Variants in SETX observed in about 807,000 individuals in gnomAD.
The protein encoded by SETX is senataxin.
In SETX, 90 loss-of-function variants were observed where a neutral mutation model predicts 227.2. That is an observed-to-expected ratio of 0.40 (90% CI 0.33 to 0.47). The LOEUF (loss-of-function observed/expected upper bound fraction) is 0.47. SETX is among the 20% of genes least tolerant of loss of function. The probability of loss-of-function intolerance (pLI) is 0.91; values close to 1 mark genes in which losing one functional copy is unlikely to be tolerated. For missense variants in SETX, 3,052 were observed against 3,181.5 expected, an observed-to-expected ratio of 0.96 and a Z score of 0.98; for synonymous variants, 1,210 against 1,113.2, an observed-to-expected ratio of 1.09 and a Z score of -1.73.
chr9:132,310,888 T>C (rs964517487), intron 11 of SETX, among the ~76,000 whole-genome samples: 4 of 152,234 alleles, frequency 2.6e-5, no homozygotes, highest in Non-Finnish European at 4.4e-5. Flanking sequence ...CTCTTCCTTA[T>C]GATTTTAGTT....
chr9:132,290,342 C>CA (rs1321817217), intron 15 of SETX, among the ~76,000 whole-genome samples: 1 of 151,742 alleles, frequency 6.6e-6, no homozygotes, highest in Non-Finnish European at 1.5e-5. Context: ...TCTGGGAGGC[C>CA]AAGGCAGGTG....
At chr9:132,346,129 A>G in intron 4 of SETX, 132 bp downstream of exon 4, 2 of 754,200 alleles carry the variant, frequency 2.7e-6, no homozygotes, top group Non-Finnish European at 4.3e-6. Flanking sequence ...AACGTTGGAA[A>G]AAAAATGAAG....
intron 5 of SETX, among the ~76,000 whole-genome samples, chr9:132,340,747 C>T (rs894842506): frequency 5.9e-5 from 9 of 152,192 alleles, no homozygotes; most frequent in Non-Finnish European, 1.0e-4. Context: ...TAGGGGTTAT[C>T]CACTGTGCTG....
intron 24 of SETX, among the ~76,000 whole-genome samples, chr9:132,271,210 T>C (rs1330035405): frequency 6.6e-6 from 1 of 152,210 alleles, no homozygotes; most frequent in African/African-American, 2.4e-5. Flanking sequence ...TATAATCTAA[T>C]TATTTATTTG....
Position 132,329,869 on chromosome 9 carries a change from T to A in SETX, c.1729A>T (p.Thr577Ser), listed in dbSNP as rs1205251772. ...RGNLSLGWQL[T>S]SQETHELQSC... ...TGTAGCTCATGGGTTTCCTGACTAG[T>A]CAACTGCCAACCTAGAGATAAATTT... Residue 577 changes from threonine (T) to serine (S), a missense_variant, in exon 10 of 26, where the codon ACT (threonine) becomes TCT (serine). This residue lies in a region of SETX where 179 missense variants were observed against 197.1 expected (regional missense o/e 0.91). Coordinates refer to ENST00000224140, the MANE Select transcript of SETX (RefSeq NM_015046.7). 3 of 1,614,172 alleles carry A rather than the reference T, an allele frequency of 1.9e-6. No individual in the cohort carries two copies. The highest frequency in any genetic ancestry group is 2.5e-6 in the Non-Finnish European group (3 of 1,180,028).
chr9:132,311,717 A>G (rs769812294), intron 11 of SETX, 40 bp downstream of exon 11: 11 of 1,359,048 alleles, frequency 8.1e-6, no homozygotes, highest in Non-Finnish European at 1.2e-5. Context: ...ATCTCCAATT[A>G]TTATATCATA....
In SETX at chr9:132,328,656, G is replaced by A; in HGVS notation, c.2942C>T (p.Pro981Leu). 1 of 1,613,482 alleles carries A rather than the reference G, an allele frequency of 6.2e-7. No individual in the cohort carries two copies. The highest frequency in any genetic ancestry group is 8.5e-7 in the Non-Finnish European group (1 of 1,179,712). ...CCTTTGCAGCTGCGATGAGTTCTGA[G>A]GTGAATCGGATGGGAACGTAATAAC... is the stretch of plus-strand genomic sequence containing the variant. ...ASVITFPSDS[P>L]QNSSQLQRKV... Residue 981 changes from proline to leucine, a missense_variant, in exon 10 of 26, where the codon CCT becomes CTT. Coordinates refer to ENST00000224140, the MANE Select transcript of SETX (RefSeq NM_015046.7).
rs1421119656 is a variant in SETX at position 132,346,371 on chromosome 9, T to C, written c.278A>G (p.Asn93Ser). 6.2e-7 allele frequency: 1 copy of C among 1,613,748 alleles called. No homozygotes were observed. The highest frequency in any genetic ancestry group is 8.5e-7 in the Non-Finnish European group (1 of 1,179,784). Residue 93 changes from asparagine (N) to serine (S), a missense_variant, in exon 4 of 26, where the codon AAT becomes AGT. Asn to Ser is a conservative substitution (Grantham distance 46). Transcript: ENST00000224140. ...DDDELYIVDN[N>S]GEMPLFDITG... is the part of the protein sequence containing the mutation. The stretch of plus-strand genomic sequence containing the variant: ...GATGTCAAACAGTGGCATCTCTCCA[T>C]TATTGTCTACTATATATAACTCATC...
At chr9:132,341,304 C>G (rs1847944532) in intron 5 of SETX, among the ~76,000 whole-genome samples, 4 of 152,146 alleles carry the variant, frequency 2.6e-5, no homozygotes, top group Admixed American at 2.0e-4. Context: ...TCTCCATTTT[C>G]TCTTTCAAGT....
Position 132,328,978 on chromosome 9 carries a change from A to G in SETX, c.2620T>C (p.Leu874=), listed in dbSNP as rs1399874552. Reference sequence around the variant, plus strand: ...TTTTCATGGAAAGAGAAAATAACTAATTCTTCATTCTTTAATTGTTTCTCT... The same window carrying G: ...TTTTCATGGAAAGAGAAAATAACTAGTTCTTCATTCTTTAATTGTTTCTCT... The part of the protein sequence containing the change: ...PKEKQLKNEE[L]VIFSFHENNC... Residue 874 remains leucine (L), a synonymous_variant, in exon 10 of 26, where the codon TTA becomes CTA. Transcript: ENST00000224140. The G allele has an allele frequency of 6.2e-7, 1 of 1,606,232 alleles. No individual in the cohort carries two copies. Among genetic ancestry groups the G allele is most frequent in the South Asian group, 1.1e-5 (1 of 89,548 alleles).
chr9:132,343,085 C>A (rs1392273621), intron 4 of SETX, among the ~76,000 whole-genome samples: 1 of 151,848 alleles, frequency 6.6e-6, no homozygotes, highest in African/African-American at 2.4e-5. Context: ...TTTGGGAGGC[C>A]GAGGCGGGCG....
chr9:132,296,931 TTCC>T lies in SETX; in HGVS notation c.5902_5904del (p.Gly1968del). The T allele has an allele frequency of 6.2e-7, 1 of 1,614,210 alleles. No individual in the cohort carries two copies. The highest frequency in any genetic ancestry group is 8.5e-7 in the Non-Finnish European group (1 of 1,180,032). ...AGGAGGCCAACAATAGTTTTTGATT[TTCC>T]TGTTCCAGGTGGTCCATGAATCAAG... On this transcript the variant is annotated inframe_deletion, in exon 14 of 26. Coordinates refer to ENST00000224140, the MANE Select transcript of SETX (RefSeq NM_015046.7).
intron 22 of SETX, among the ~76,000 whole-genome samples, chr9:132,276,823 C>T (rs945865304): frequency 6.6e-6 from 1 of 152,194 alleles, no homozygotes; most frequent in Non-Finnish European, 1.5e-5. Flanking sequence ...GCAATGGGCA[C>T]GTCTGTTTCC....
In SETX at chr9:132,300,617, ATTAT is replaced by A; in HGVS notation, c.5548+9_5548+12del. On this transcript the variant is annotated intron_variant, in intron 12 of 25. Coordinates refer to ENST00000224140, the MANE Select transcript of SETX (RefSeq NM_015046.7). ...ATCTGACATTTCCTGTCAATGCCTC[ATTAT>A]TTACTTACTGACTGACGTGCGGCGA... 1 of 1,613,068 alleles carries A rather than the reference ATTAT, an allele frequency of 6.2e-7. No individual in the cohort carries two copies. Among genetic ancestry groups the A allele is most frequent in the African/African-American group, 1.3e-5 (1 of 75,022 alleles).
chr9:132,322,240 A>C (rs555557582), intron 10 of SETX, among the ~76,000 whole-genome samples: 76 of 152,296 alleles, frequency 5.0e-4, no homozygotes, highest in African/African-American at 1.8e-3. Context: ...TTCATACAAC[A>C]TAAAACTCAC....
intron 4 of SETX, 77 bp downstream of exon 4, chr9:132,346,184 A>T (rs1231631479): frequency 1.7e-6 from 2 of 1,174,564 alleles, no homozygotes; most frequent in East Asian, 4.9e-5. Flanking sequence ...ACAAATTTGC[A>T]ATATAGATAA....
intron 18 of SETX, among the ~76,000 whole-genome samples, chr9:132,285,667 G>T (rs979865114): frequency 6.6e-6 from 1 of 151,426 alleles, no homozygotes; most frequent in Non-Finnish European, 1.5e-5. Context: ...GGATCACAAC[G>T]TCATGAGATG....
intron 2 of SETX, among the ~76,000 whole-genome samples, chr9:132,352,418 C>T (rs1281171012): frequency 2.0e-5 from 3 of 152,204 alleles, no homozygotes; most frequent in African/African-American, 7.2e-5. Context: ...GCTTCAACTA[C>T]TGCCTAGATT....
In SETX at chr9:132,329,582, A is replaced by AT; in HGVS notation, c.2015dup (p.Asn672LysfsTer22). ...CCTCTAGTTTCACATCCTTTATATAATTTTGCTCATTATTGTCACCTTCTA... is the reference window on the plus strand; with the variant it reads ...CCTCTAGTTTCACATCCTTTATATAATTTTTGCTCATTATTGTCACCTTCTA... On this transcript the variant is annotated frameshift_variant, in exon 10 of 26. Transcript: ENST00000224140. LOFTEE classifies it high-confidence loss of function. 2 of 1,613,596 alleles carry AT rather than the reference A, an allele frequency of 1.2e-6. No homozygotes were observed. The highest frequency in any genetic ancestry group is 1.7e-6 in the Non-Finnish European group (2 of 1,179,966).
Sources: gnomAD v4.1 joint callset for allele counts (sites outside exome capture counted in the v4.1 genomes callset) on GRCh38, gnomAD v4.1.1 for gene constraint, gnomAD v4.1.1 regional missense constraint, MANE v1.5 for transcripts, NCBI Gene and HGNC (gene_info 2026-07-23, HGNC 2026-07-21) for gene names.